The following MTERF4 variants were observed in gnomAD, a reference collection of about 807,000 sequenced individuals.
MTERF4 encodes the protein mitochondrial transcription termination factor 4.
Under a neutral mutation model 22.5 loss-of-function variants are expected in MTERF4, and 17 were observed. That is an observed-to-expected ratio of 0.75 (90% confidence interval 0.52 to 1.13). The LOEUF is 1.13. Among genes scored for constraint, MTERF4 ranks in the 50% most tolerant of loss-of-function variants. MTERF4 has a pLI of 0.00. For missense variants in MTERF4, 420 were observed against 466.8 expected, an observed-to-expected ratio of 0.90 and a Z score of 0.92; for synonymous variants, 165 against 175.3, an observed-to-expected ratio of 0.94 and a Z score of 0.47.
downstream of MTERF4, chr2:241,069,903 G>A: frequency 6.2e-7 from 1 of 1,609,106 alleles, no homozygotes; most frequent in South Asian, 1.1e-5. This position sits in a 1 kb window ranked among gnomAD's most constrained non-coding sequence, Gnocchi z 4.9. Context: ...ACCTCTCCCT[G>A]CTCCTGCCTC....
chr2:241,087,575 A>T, downstream of MTERF4: 1 of 1,467,598 alleles, frequency 6.8e-7, no homozygotes, highest in Non-Finnish European at 9.0e-7. Flanking sequence ...CTGTGGGCTG[A>T]GCCAGGCGGT....
downstream of MTERF4, chr2:241,082,138 C>A: frequency 3.0e-6 from 2 of 670,148 alleles, no homozygotes; most frequent in South Asian, 1.8e-5. Flanking sequence ...TGCAGACCCC[C>A]GGGCCCTCTC....
At position 241,095,976 on chromosome 2, in the gene MTERF4, C is replaced by T. The variant is rs760922041; in HGVS notation, c.*22G>A. On this transcript the variant is annotated 3_prime_UTR_variant, in exon 4 of 4. Transcript: ENST00000391980. Reference sequence around the variant, plus strand: ...CTTCCTTGATATCTCTGGGCCCTTTCGCTCTAGTCCTTCCATCACAGCTAT... The same window carrying T: ...CTTCCTTGATATCTCTGGGCCCTTTTGCTCTAGTCCTTCCATCACAGCTAT... 2.1e-5 allele frequency: 34 copies of T among 1,606,102 alleles called. No homozygotes were observed. Among genetic ancestry groups the T allele is most frequent in the East Asian group, 6.7e-5 (3 of 44,768 alleles).
chr2:241,059,091 A>C, the MTERF4 span, among the ~76,000 whole-genome samples: 2 of 152,260 alleles, frequency 1.3e-5, no homozygotes, highest in Non-Finnish European at 2.9e-5. Flanking sequence ...AGATCCTGCC[A>C]GTACTTAAAG....
downstream of MTERF4, chr2:241,090,137 A>G (rs188262977): frequency 5.8e-4 from 865 of 1,480,136 alleles, 9 homozygotes; most frequent in African/African-American, 0.011. Context: ...AACAGCTTAA[A>G]ATACAAACAC....
intron 4 of MTERF4, among the ~76,000 whole-genome samples, chr2:241,076,113 G>T (rs1274346260): frequency 6.6e-6 from 1 of 152,100 alleles, no homozygotes; most frequent in Non-Finnish European, 1.5e-5. Context: ...AAGTATCATT[G>T]CTACCCTTGG....
chr2:241,091,092 C>G (rs985142610), downstream of MTERF4, among the ~76,000 whole-genome samples: 6 of 152,150 alleles, frequency 3.9e-5, no homozygotes, highest in Non-Finnish European at 8.8e-5. This position sits in a 1 kb window ranked among gnomAD's most constrained non-coding sequence, Gnocchi z 4.1. Context: ...AGCACATCCA[C>G]TCCCATAAAA....
the MTERF4 span, among the ~76,000 whole-genome samples, chr2:241,050,621 G>A: frequency 1.3e-5 from 2 of 152,176 alleles, no homozygotes; most frequent in East Asian, 1.9e-4. Context: ...CCTGGACCCC[G>A]TGGCTCCCCC....
exon 5 of MTERF4, chr2:241,072,759 T>G: frequency 1.1e-5 from 2 of 188,036 alleles, no homozygotes; most frequent in Non-Finnish European, 2.2e-5. Flanking sequence ...GGGGGGCCCG[T>G]TGTACTTGCA....
the MTERF4 span, among the ~76,000 whole-genome samples, chr2:241,054,264 G>A: frequency 6.6e-6 from 1 of 152,160 alleles, no homozygotes; most frequent in African/African-American, 2.4e-5. Flanking sequence ...AGGATATCGA[G>A]ACACCTGAAA....
At chr2:241,066,863 C>G in the MTERF4 span, among the ~76,000 whole-genome samples, 2 of 152,196 alleles carry the variant, frequency 1.3e-5, no homozygotes, top group Non-Finnish European at 2.9e-5. Flanking sequence ...CTTGAGCCCA[C>G]CCAGAGGCCC....
chr2:241,071,451 C>T (rs575702926), downstream of MTERF4: 146 of 1,155,478 alleles, frequency 1.3e-4, no homozygotes, highest in Middle Eastern at 5.6e-4. Flanking sequence ...CCACGGCCCA[C>T]GCACATGCCC....
At chr2:241,087,663 A>C (rs1407302232), downstream of MTERF4, 5 of 1,392,346 alleles carry the variant, frequency 3.6e-6, no homozygotes, top group Admixed American at 3.3e-5. Flanking sequence ...GCATGTGAGC[A>C]TACCCAGAGG....
In MTERF4 at chr2:241,073,115, G is replaced by A. The variant is rs1452533225; in HGVS notation, n.3047C>T. 4.9e-6 allele frequency: 3 copies of A among 608,652 alleles called. No homozygotes were observed. Among genetic ancestry groups the A allele is most frequent in the Admixed American group, 5.7e-5 (2 of 34,974 alleles). 37.7% of individuals were successfully genotyped at this position (608,652 alleles called of 1,614,324 possible). A position where few individuals can be genotyped will look rare whatever the true frequency, so the allele number is the denominator to read the frequency against. ...AGCCCTTCAGGGGAGGCAGCTCTGGGGCCGACAGGTGCTGGGGCCACGCAG... is the reference window on the plus strand; with the variant it reads ...AGCCCTTCAGGGGAGGCAGCTCTGGAGCCGACAGGTGCTGGGGCCACGCAG... On this transcript the variant is annotated non_coding_transcript_exon_variant, in exon 5 of 5. Transcript: ENST00000464344. The surrounding 1 kb of genome is among the most constrained non-coding windows in gnomAD (Gnocchi z 6.6).
chr2:241,072,625 C>T (rs1172067951), exon 5 of MTERF4: 1 of 251,364 alleles, frequency 4.0e-6, no homozygotes, highest in African/African-American at 2.3e-5. Context: ...CAAGCAGGGA[C>T]CAGAGCCCTG....
At chr2:241,056,580 A>ATATTTTTTT in the MTERF4 span, among the ~76,000 whole-genome samples, 1 of 111,224 alleles carries the variant, frequency 9.0e-6, no homozygotes, top group Admixed American at 1.1e-4. Context: ...AATAAGTGAA[A>ATATTTTTTT]TTTTTTTTTT....
downstream of MTERF4, chr2:241,067,707 G>A: frequency 6.8e-7 from 1 of 1,478,660 alleles, no homozygotes; most frequent in Non-Finnish European, 9.3e-7. Context: ...TTGAGCCCCT[G>A]CACTCCCCCA....
the MTERF4 span, among the ~76,000 whole-genome samples, chr2:241,050,841 A>T: frequency 6.6e-6 from 1 of 151,884 alleles, no homozygotes; most frequent in Non-Finnish European, 1.5e-5. Flanking sequence ...TGGGGGTCCT[A>T]CCAGAGCCCA....
At chr2:241,094,253 G>A (rs1477574850), downstream of MTERF4, 1 of 467,120 alleles carries the variant, frequency 2.1e-6, no homozygotes, top group South Asian at 1.6e-5. The surrounding 1 kb of genome is among the most constrained non-coding windows in gnomAD (Gnocchi z 4.3). Context: ...AACAGGCAAG[G>A]GCCCCACTCA....
Sources: allele counts gnomAD v4.1 joint callset (sites outside exome capture counted in the v4.1 genomes callset), GRCh38; gene constraint gnomAD v4.1.1; non-coding constraint Gnocchi (gnomAD v3.1); transcripts MANE v1.5; gene names NCBI Gene and HGNC (gene_info 2026-07-23, HGNC 2026-07-21).